MROH1: variants seen among roughly 807,000 people sequenced by gnomAD.
MROH1 encodes the protein maestro heat like repeat family member 1, also known as maestro heat-like repeat-containing protein family member 1.
Under a neutral mutation model 116.5 loss-of-function variants are expected in MROH1, and 117 were observed. The ratio of observed to expected loss-of-function variants is 1.00; its 90% CI spans 0.86 to 1.17. MROH1 has a LOEUF of 1.17. MROH1 is among the 50% of genes most tolerant of loss of function. MROH1 has a pLI of 0.00. For missense variants in MROH1, 1,873 were observed against 1,338.5 expected, an observed-to-expected ratio of 1.40 and a Z score of -6.23; for synonymous variants, 921 against 583.9, an observed-to-expected ratio of 1.58 and a Z score of -8.32.
intron 1 of MROH1, among the ~76,000 whole-genome samples, chr8:144,149,379 TG>T (rs1310778116): frequency 6.6e-6 from 1 of 152,172 alleles, no homozygotes; most frequent in East Asian, 1.9e-4. Flanking sequence ...CAGGCCGCTG[TG>T]GCTTGTGGAG....
At chr8:144,189,714 C>T (rs776671838) in intron 7 of MROH1, among the ~76,000 whole-genome samples, 4 of 152,232 alleles carry the variant, frequency 2.6e-5, no homozygotes, top group Non-Finnish European at 5.9e-5. Flanking sequence ...CTCCGCCCTG[C>T]CATTGTTCTC....
intron 4 of MROH1, among the ~76,000 whole-genome samples, chr8:144,174,629 G>A (rs1020665958): frequency 2.0e-5 from 3 of 151,880 alleles, no homozygotes; most frequent in African/African-American, 7.3e-5. Flanking sequence ...GACCACAGGC[G>A]CACCACCACA....
At chr8:144,197,417 C>CTTTTTTTTTTTTTTT (rs79749774) in intron 10 of MROH1, among the ~76,000 whole-genome samples, 5 of 42,458 alleles carry the variant, frequency 1.2e-4, no homozygotes, top group Admixed American at 4.0e-4. Flanking sequence ...GCTGCAGCAT[C>CTTTTTTTTTTTTTTT]TTTTTTTTTT....
At position 144,249,840 on chromosome 8, in the gene MROH1, C is replaced by T. The variant is rs1039339340; in HGVS notation, c.3274-372C>T. On this transcript the variant is annotated intron_variant, in intron 32 of 43. Coordinates refer to ENST00000326134, the MANE Select transcript of MROH1 (RefSeq NM_032450.3). Reference sequence around the variant, plus strand: ...TTGGCAGCTGTGTGGGTCCTGCCTCCGGTGGGCCTGCCAGGGGAGCCTGAG... The same window carrying T: ...TTGGCAGCTGTGTGGGTCCTGCCTCTGGTGGGCCTGCCAGGGGAGCCTGAG... Among the ~76,000 whole-genome samples the T allele has an allele frequency of 7.9e-5, 12 of 152,322 alleles. No homozygotes were observed. The East Asian group carries it at 1.2e-3, about 15-fold the overall frequency.
intron 33 of MROH1, among the ~76,000 whole-genome samples, chr8:144,252,961 A>G (rs1843084013): frequency 7.2e-6 from 1 of 139,354 alleles, no homozygotes; most frequent in Non-Finnish European, 1.6e-5. Flanking sequence ...CGTCTCAAAA[A>G]ATAAATAAAA....
At chr8:144,187,059 C>T (rs2131503895) in intron 7 of MROH1, among the ~76,000 whole-genome samples, 1 of 150,794 alleles carries the variant, frequency 6.6e-6, no homozygotes, top group East Asian at 1.9e-4. Context: ...GATCACGCCA[C>T]TGCATTCCAG....
chr8:144,186,588 C>T (rs945048014), intron 7 of MROH1, among the ~76,000 whole-genome samples: 3 of 152,170 alleles, frequency 2.0e-5, no homozygotes, highest in East Asian at 1.9e-4. Flanking sequence ...AAACTTGGAA[C>T]GAAGCAGATT....
intron 12 of MROH1, among the ~76,000 whole-genome samples, chr8:144,219,775 G>A (rs1836305482): frequency 6.6e-6 from 1 of 152,164 alleles, no homozygotes; most frequent in African/African-American, 2.4e-5. Context: ...AGCTGGCCTC[G>A]AAACCGACAG....
At chr8:144,257,108 T>C (rs1588539948) in intron 35 of MROH1, among the ~76,000 whole-genome samples, 1 of 152,186 alleles carries the variant, frequency 6.6e-6, no homozygotes. Flanking sequence ...CAGTGACTGG[T>C]GTGGCTCTGT....
At chr8:144,173,999 C>G (rs1445130241) in intron 4 of MROH1, among the ~76,000 whole-genome samples, 1 of 152,126 alleles carries the variant, frequency 6.6e-6, no homozygotes, top group Non-Finnish European at 1.5e-5. Flanking sequence ...TCCCCAAAGT[C>G]AGGCTGTCTC....
At chr8:144,176,242 G>A (rs908025260) in intron 4 of MROH1, among the ~76,000 whole-genome samples, 2 of 151,710 alleles carry the variant, frequency 1.3e-5, no homozygotes, top group Non-Finnish European at 2.9e-5. Flanking sequence ...GAATGGTGGT[G>A]CATACCTGTA....
chr8:144,158,730 C>T (rs6997410), intron 1 of MROH1, among the ~76,000 whole-genome samples: 1 of 151,480 alleles, frequency 6.6e-6, no homozygotes, highest in African/African-American at 2.4e-5. Flanking sequence ...TATGCATTGA[C>T]TTCTTTTACA....
intron 14 of MROH1, among the ~76,000 whole-genome samples, chr8:144,223,900 T>C (rs966700990): frequency 6.6e-6 from 1 of 152,216 alleles, no homozygotes; most frequent in African/African-American, 2.4e-5. Context: ...TGGTGCCCAC[T>C]GTGCCTCAAG....
At chr8:144,261,590 C>G in intron 43 of MROH1, 65 bp from the exon 44 acceptor site, 1 of 700,826 alleles carries the variant, frequency 1.4e-6, no homozygotes, top group Non-Finnish European at 2.6e-6. Flanking sequence ...GAGAGCGTGG[C>G]CCACGCGCAG....
At chr8:144,196,416 G>C (rs1485949590) in intron 10 of MROH1, among the ~76,000 whole-genome samples, 3 of 151,708 alleles carry the variant, frequency 2.0e-5, no homozygotes, top group African/African-American at 7.3e-5. Flanking sequence ...GAGTGCAGTG[G>C]TGCGATCTTG....
chr8:144,255,414 A>G (rs1843555286), intron 34 of MROH1, 95 bp from the exon 35 acceptor site: 4 of 709,046 alleles, frequency 5.6e-6, no homozygotes, highest in Non-Finnish European at 7.9e-6. Context: ...CGAGCACATG[A>G]TGCAGGCGAA....
chr8:144,188,688 G>A (rs182505666), intron 7 of MROH1, among the ~76,000 whole-genome samples: 106 of 151,922 alleles, frequency 7.0e-4, no homozygotes, highest in Non-Finnish European at 1.0e-3. Flanking sequence ...GGATGGTCTC[G>A]AACTCCTGAC....
At chr8:144,250,118 G>A (rs1842609779) in intron 32 of MROH1, 94 bp from the exon 33 acceptor site, 2 of 703,888 alleles carry the variant, frequency 2.8e-6, no homozygotes, top group South Asian at 3.0e-5. Context: ...ATCTCATGGG[G>A]CTCCCTCATG....
At position 144,259,988 on chromosome 8, in the gene MROH1, C is replaced by T. The variant is rs995965514; in HGVS notation, c.4122C>T (p.Asp1374=). The part of the protein sequence containing the change: ...LLESLAARQK[D]TCASVRRLVL... ...AGAGCCTGGCGGCTCGCCAGAAGGA[C>T]ACATGCGCCAGCGTGCGGAGGCTGG... Residue 1374 remains aspartate, a synonymous_variant, in exon 38 of 44, where the codon GAC becomes GAT. Transcript: ENST00000326134. The T allele has an allele frequency of 1.1e-5, 8 of 737,392 alleles. No homozygotes were observed. Among genetic ancestry groups the T allele is most frequent in the Admixed American group, 5.6e-5 (3 of 53,296 alleles). The allele number at this position is 737,392 out of a possible 1,614,324, so 45.7% of individuals were successfully genotyped here. A position where few individuals can be genotyped will look rare whatever the true frequency, so the allele number is the denominator to read the frequency against.
Sources: gnomAD v4.1 joint callset for allele counts (sites outside exome capture counted in the v4.1 genomes callset) on GRCh38, gnomAD v4.1.1 for gene constraint, MANE v1.5 for transcripts, NCBI Gene and HGNC (gene_info 2026-07-23, HGNC 2026-07-21) for gene names.